ORM2: variants seen among roughly 807,000 people sequenced by gnomAD.
ORM2 encodes orosomucoid 2.
In ORM2, 19 loss-of-function variants were observed where a neutral mutation model predicts 26.8. That is an observed-to-expected ratio of 0.71 (90% CI 0.49 to 1.04). The LOEUF (loss-of-function observed/expected upper bound fraction) is 1.04. Among genes scored for constraint, ORM2 ranks in the 50% least tolerant of loss-of-function variants. ORM2 has a pLI of 0.00. For missense variants in ORM2, 259 were observed against 244.9 expected, an observed-to-expected ratio of 1.06 and a Z score of -0.39; for synonymous variants, 94 against 100.0, an observed-to-expected ratio of 0.94 and a Z score of 0.36.
chr9:114,331,223 C>G (rs1442764009), intron 3 of ORM2, among the ~76,000 whole-genome samples: 1 of 152,038 alleles, frequency 6.6e-6, no homozygotes, highest in Non-Finnish European at 1.5e-5. Context: ...AACTATGTCC[C>G]CCATCACCGC....
intron 3 of ORM2, 78 bp from the exon 4 acceptor site, chr9:114,331,489 C>A: frequency 8.3e-7 from 1 of 1,206,180 alleles, no homozygotes; most frequent in Non-Finnish European, 1.2e-6. Context: ...CCCGGACACA[C>A]CTAGGACTCC....
chr9:114,329,999 CCAA>C lies in ORM2; in HGVS notation c.97_99del (p.Asn33del), dbSNP rs759774139. ...GCCAACCTAGTACCGGTGCCCATCACCAACGCCACCCTGGACCGGGTGAGTGCC... is the reference window on the plus strand; with the variant it reads ...GCCAACCTAGTACCGGTGCCCATCACCGCCACCCTGGACCGGGTGAGTGCC... On this transcript the variant is annotated inframe_deletion, in exon 1 of 6. Coordinates refer to ENST00000431067, the MANE Select transcript of ORM2 (RefSeq NM_000608.4). 1.3e-6 allele frequency: 2 copies of C among 1,581,588 alleles called. No homozygotes were observed. The highest frequency in any genetic ancestry group is 1.1e-5 in the South Asian group (1 of 88,894).
At chr9:114,331,066 A>C (rs1467109784) in intron 3 of ORM2, among the ~76,000 whole-genome samples, 1 of 152,080 alleles carries the variant, frequency 6.6e-6, no homozygotes, top group African/African-American at 2.4e-5. Context: ...AGAGACCTCA[A>C]ATAGTTTCCC....
intron 1 of ORM2, 38 bp downstream of exon 1, chr9:114,330,056 C>A (rs1470777746): frequency 1.2e-6 from 2 of 1,608,790 alleles, no homozygotes; most frequent in East Asian, 4.5e-5. Context: ...AGCACATGGG[C>A]AGCTGCCTCC....
chr9:114,332,958 G>A (rs1216433401), intron 5 of ORM2, 111 bp from the exon 6 acceptor site: 8 of 1,540,590 alleles, frequency 5.2e-6, no homozygotes, highest in African/African-American at 1.4e-5. Flanking sequence ...TGGAGCCCTG[G>A]TTGAGCTGGT....
At chr9:114,332,835 G>A (rs1006857116) in intron 5 of ORM2, among the ~76,000 whole-genome samples, 2 of 152,202 alleles carry the variant, frequency 1.3e-5, no homozygotes, top group Non-Finnish European at 2.9e-5. Context: ...CTCAGTAAAT[G>A]CCAGTGGTTC....
rs1829851402 is a variant in ORM2, at chr9:114,331,561, T to C, written c.329-6T>C. On this transcript the variant is annotated splice_region_variant and splice_polypyrimidine_tract_variant and intron_variant, in intron 3 of 5. Transcript: ENST00000431067. ...TTCTCACCCAGAGGCTCTTTTTCTC[T>C]TCCAGAGGGAGGCCGAGAACATGTT... 16 of 1,611,308 alleles carry C rather than the reference T, an allele frequency of 9.9e-6. No homozygotes were observed. The highest frequency in any genetic ancestry group is 1.4e-5 in the Non-Finnish European group (16 of 1,177,906).
Position 114,330,077 on chromosome 9 carries a change from C to T in ORM2, c.114+59C>T, listed in dbSNP as rs752803101. The T allele has an allele frequency of 1.6e-5, 25 of 1,611,224 alleles. No individual in the cohort carries two copies. In the Admixed American group the frequency reaches 4.2e-4, roughly 27 times the overall value. On this transcript the variant is annotated intron_variant, in intron 1 of 5. Coordinates refer to ENST00000431067, the MANE Select transcript of ORM2 (RefSeq NM_000608.4). ...TGGGCAGCTGCCTCCCTTCTCTGGG[C>T]TTCCCTTTACCTGCTGGCTGTGGTC... is the stretch of plus-strand genomic sequence containing the variant.
intron 3 of ORM2, 149 bp from the exon 4 acceptor site, chr9:114,331,418 C>G: frequency 3.2e-6 from 2 of 628,498 alleles, no homozygotes; most frequent in Non-Finnish European, 2.8e-6. Context: ...GGGCACGCAG[C>G]AGGGGCTGGG....
intron 5 of ORM2, among the ~76,000 whole-genome samples, 179 bp downstream of exon 5, chr9:114,332,108 G>A (rs1432611066): frequency 6.6e-6 from 1 of 151,716 alleles, no homozygotes; most frequent in Non-Finnish European, 1.5e-5. Flanking sequence ...GGTGGTGGAT[G>A]AGAGCCCAGG....
At chr9:114,331,192 T>C (rs1401829309) in intron 3 of ORM2, among the ~76,000 whole-genome samples, 2 of 152,110 alleles carry the variant, frequency 1.3e-5, no homozygotes, top group East Asian at 3.9e-4. Context: ...GAAGCCTGTA[T>C]GTTGGAGAGG....
At position 114,330,023 on chromosome 9, in the gene ORM2, G is replaced by A. The variant is rs532288698; in HGVS notation, c.114+5G>A. The A allele has an allele frequency of 5.1e-5, 82 of 1,594,284 alleles. 1 individual carries two copies. The South Asian group carries it at 8.6e-4, about 17-fold the overall frequency. On this transcript the variant is annotated splice_donor_5th_base_variant and intron_variant, in intron 1 of 5. Transcript: ENST00000431067. Reference sequence around the variant, plus strand: ...ACCAACGCCACCCTGGACCGGGTGAGTGCCTGGGCTAGCCCTGTCCTGAGC... The same window carrying A: ...ACCAACGCCACCCTGGACCGGGTGAATGCCTGGGCTAGCCCTGTCCTGAGC...
intron 1 of ORM2, 40 bp downstream of exon 1, chr9:114,330,058 G>A: frequency 6.2e-7 from 1 of 1,609,210 alleles, no homozygotes; most frequent in Non-Finnish European, 8.5e-7. Context: ...CACATGGGCA[G>A]CTGCCTCCCT....
rs1480861855 is a variant in ORM2 at position 114,331,577 on chromosome 9, A to G, written c.339A>G (p.Arg113=). 1 of 1,613,670 alleles carries G rather than the reference A, an allele frequency of 6.2e-7. No individual in the cohort carries two copies. Among genetic ancestry groups the G allele is most frequent in the Non-Finnish European group, 8.5e-7 (1 of 1,179,848 alleles). Residue 113 remains arginine (R), a synonymous_variant, in exon 4 of 6, where the codon CGA becomes CGG. Transcript: ENST00000431067. ...NGTVSRYEGG[R]EHVAHLLFLR... is the part of the protein sequence containing the mutation. ...CTTTTTCTCTTCCAGAGGGAGGCCG[A>G]GAACATGTTGCTCACCTGCTGTTCC...
At chr9:114,330,080 C>T (rs756115174) in intron 1 of ORM2, 62 bp downstream of exon 1, 60 of 1,611,496 alleles carry the variant, frequency 3.7e-5, no homozygotes, top group Non-Finnish European at 5.1e-5. Flanking sequence ...CTCTGGGCTT[C>T]CCTTTACCTG....
chr9:114,331,073 T>G (rs1048294087), intron 3 of ORM2, among the ~76,000 whole-genome samples: 1 of 152,020 alleles, frequency 6.6e-6, no homozygotes, highest in Non-Finnish European at 1.5e-5. Context: ...TCAAATAGTT[T>G]CCCCAAGGTC....
rs1448040723 is a variant in ORM2, at chr9:114,331,941, G to A, written c.540+12G>A. 2.5e-6 allele frequency: 4 copies of A among 1,611,286 alleles called. No homozygotes were observed. The highest frequency in any genetic ancestry group is 1.3e-5 in the African/African-American group (1 of 74,232). On this transcript the variant is annotated intron_variant, in intron 5 of 5. Transcript: ENST00000431067. ...CCGACTGGAAAAAGGTAAACGCAAG[G>A]GATTGGACAGTGCCCACCTTGTCCA...
In ORM2 at chr9:114,330,871, C is replaced by T. The variant is rs200698602; in HGVS notation, c.328+9C>T. The stretch of plus-strand genomic sequence containing the variant: ...GACCGTCTCCAGATACGGTGAGGGC[C>T]AGCCCTCAGGCAGGAGGGTTCACCG... On this transcript the variant is annotated intron_variant, in intron 3 of 5. Transcript: ENST00000431067. The T allele has an allele frequency of 2.8e-5, 45 of 1,609,666 alleles. No individual in the cohort carries two copies. The highest frequency in any genetic ancestry group is 3.6e-5 in the Non-Finnish European group (42 of 1,176,274).
chr9:114,331,527 C>T (rs375792796), intron 3 of ORM2, 40 bp from the exon 4 acceptor site: 2 of 1,519,150 alleles, frequency 1.3e-6, no homozygotes, highest in African/African-American at 1.4e-5. Flanking sequence ...ACCATTGTGC[C>T]ATCCCATGTT....
Sources: gnomAD v4.1 joint callset for allele counts (sites outside exome capture counted in the v4.1 genomes callset) on GRCh38, gnomAD v4.1.1 for gene constraint, MANE v1.5 for transcripts, NCBI Gene and HGNC (gene_info 2026-07-23, HGNC 2026-07-21) for gene names.